The following CCNP variants were observed in gnomAD, a reference collection of about 807,000 sequenced individuals.
CCNP encodes cyclin-P.
Under a neutral mutation model 19.6 loss-of-function variants are expected in CCNP, and 18 were observed. That is an observed-to-expected ratio of 0.92 (90% CI 0.64 to 1.36). CCNP has a LOEUF of 1.36. CCNP is among the 40% of genes most tolerant of loss of function. CCNP has a pLI of 0.00. For missense variants in CCNP, 440 were observed against 424.4 expected, an observed-to-expected ratio of 1.04 and a Z score of -0.32; for synonymous variants, 228 against 194.9, an observed-to-expected ratio of 1.17 and a Z score of -1.41.
chr19:40,225,064 T>C, intron 1 of CCNP: 1 of 44,444 alleles, frequency 2.3e-5, no homozygotes, highest in Non-Finnish European at 3.5e-5. Context: ...AGACTTCACT[T>C]TTTTTTTTTT....
rs1409423885 is a variant in CCNP, at chr19:40,223,413, G to GCCAGCAGCCCGAGGC, written c.632_646dup (p.Leu215_Ala216insGlyLeuGlyLeuLeu). 2 of 1,583,136 alleles carry GCCAGCAGCCCGAGGC rather than the reference G, an allele frequency of 1.3e-6. No individual in the cohort carries two copies. Among genetic ancestry groups the GCCAGCAGCCCGAGGC allele is most frequent in the Non-Finnish European group, 1.7e-6 (2 of 1,165,934 alleles). On this transcript the variant is annotated inframe_insertion, in exon 4 of 5. Transcript: ENST00000430325. Reference sequence around the variant, plus strand: ...CTGGGGGCTGCTCCCTGCCAGCGCGGCCAGCAGCCCGAGGCACAGCAGCGG... The same window carrying GCCAGCAGCCCGAGGC: ...CTGGGGGCTGCTCCCTGCCAGCGCGGCCAGCAGCCCGAGGCCCAGCAGCCCGAGGCACAGCAGCGG...
intron 3 of CCNP, 131 bp downstream of exon 3, chr19:40,224,357 A>G (rs1477891258): frequency 2.0e-6 from 2 of 992,944 alleles, no homozygotes; most frequent in Non-Finnish European, 3.1e-6. Flanking sequence ...TTTAAGGGAC[A>G]CATTGACAGC....
Position 40,224,637 on chromosome 19 carries a change from G to A in CCNP, c.364C>T (p.Leu122=), listed in dbSNP as rs1455488554. The change falls in exon 3 of 5, where the codon CTG becomes TTG. Residue 122 remains leucine, a synonymous_variant. Coordinates refer to ENST00000430325, the MANE Select transcript of CCNP (RefSeq NM_024877.4). ...TAAAGTGTGTCACCAGCCAGACCCA[G>A]GTACTCCTGAGGAGGGGCAAGGGTG... ...VDWLVQVHEY[L]GLAGDTLYLA... 1 of 1,614,102 alleles carries A rather than the reference G, an allele frequency of 6.2e-7. No individual in the cohort carries two copies. The highest frequency in any genetic ancestry group is 8.5e-7 in the Non-Finnish European group (1 of 1,180,046).
Position 40,224,474 on chromosome 19 carries a change from C to A in CCNP, c.513+14G>T, listed in dbSNP as rs1326969032. The A allele has an allele frequency of 1.9e-6, 3 of 1,613,212 alleles. No homozygotes were observed. The highest frequency in any genetic ancestry group is 2.2e-5 in the East Asian group (1 of 44,898). ...GGACTCCATCCACCCTCCCAAACCC[C>A]ACCCCGGAAGTACCTCGGGAAGCAC... On this transcript the variant is annotated intron_variant, in intron 3 of 4. Transcript: ENST00000430325.
Position 40,222,516 on chromosome 19 carries a change from G to A in CCNP, c.*536C>T, listed in dbSNP as rs545477389. On this transcript the variant is annotated 3_prime_UTR_variant, in exon 5 of 5. Transcript: ENST00000430325. ...GAAACTGAGGCAGGGCAAGTGGTTG[G>A]AGATGACCCATCCTTGGAACTGGAG... 2.6e-3 allele frequency: 1,029 copies of A among 398,880 alleles called. 14 individuals are homozygous for A. Among genetic ancestry groups the A allele is most frequent in the Non-Finnish European group, 8.6e-4 (194 of 226,208 alleles). 24.7% of individuals were successfully genotyped at this position (398,880 alleles called of 1,614,324 possible).
In CCNP at chr19:40,222,839, C is replaced by T; in HGVS notation, c.*213G>A. Reference sequence around the variant, plus strand: ...AGCGGCCCTAGCAGCTAAAGGAACACCCCATCCACCACCAGATACAGAGAT... The same window carrying T: ...AGCGGCCCTAGCAGCTAAAGGAACATCCCATCCACCACCAGATACAGAGAT... On this transcript the variant is annotated 3_prime_UTR_variant, in exon 5 of 5. Transcript: ENST00000430325. 2.0e-6 allele frequency: 1 copy of T among 487,982 alleles called. No individual in the cohort carries two copies. The highest frequency in any genetic ancestry group is 3.8e-5 in the Admixed American group (1 of 26,074). 30.2% of individuals were successfully genotyped at this position (487,982 alleles called of 1,614,324 possible).
intron 1 of CCNP, 33 bp from the exon 2 acceptor site, chr19:40,224,844 C>T (rs1414328492): frequency 6.6e-7 from 1 of 1,520,362 alleles, no homozygotes; most frequent in Non-Finnish European, 8.9e-7. Context: ...TCACTCTCCA[C>T]ACCTGTGCCT....
chr19:40,223,632 A>G, intron 3 of CCNP, 86 bp from the exon 4 acceptor site: 1 of 1,582,514 alleles, frequency 6.3e-7, no homozygotes, highest in South Asian at 1.1e-5. Context: ...CAAGTTCCGG[A>G]CCTCAGTTTC....
intron 4 of CCNP, 32 bp downstream of exon 4, chr19:40,223,356 C>T (rs778971247): frequency 3.3e-5 from 49 of 1,487,652 alleles, no homozygotes; most frequent in Non-Finnish European, 2.4e-5. Context: ...GCGCCGGCCA[C>T]GCCCCCACCC....
rs565440976 is a variant in CCNP at position 40,223,203 on chromosome 19, G to T, written c.773C>A (p.Ala258Glu). ...GCCCGCCCCGTCGAGCAAGCGGTGCGCCAGGCTCAGAGCCGCAGCCGCACG... is the reference window on the plus strand; with the variant it reads ...GCCCGCCCCGTCGAGCAAGCGGTGCTCCAGGCTCAGAGCCGCAGCCGCACG... ...GRRAAAALSL[A>E]HRLLDGAGSR... The change falls in exon 5 of 5, where the codon GCG becomes GAG. Residue 258 changes from alanine to glutamate, a missense_variant. Ala to Glu is a moderately radical substitution (Grantham distance 107, BLOSUM62 -1). Transcript: ENST00000430325. The T allele has an allele frequency of 7.7e-6, 12 of 1,550,048 alleles. No individual in the cohort carries two copies. In the Admixed American group the frequency reaches 7.9e-5, roughly 10 times the overall value.
At position 40,222,998 on chromosome 19, in the gene CCNP, C is replaced by G; in HGVS notation, c.*54G>C. On this transcript the variant is annotated 3_prime_UTR_variant, in exon 5 of 5. Coordinates refer to ENST00000430325, the MANE Select transcript of CCNP (RefSeq NM_024877.4). ...CCAGATCTGGACTAATGGGGTCCTC[C>G]CACCCCATTCTCTCCCACACCCAGA... 9.7e-7 allele frequency: 1 copy of G among 1,033,330 alleles called. No homozygotes were observed. The highest frequency in any genetic ancestry group is 1.4e-6 in the Non-Finnish European group (1 of 701,242). 64.0% of individuals were successfully genotyped at this position (1,033,330 alleles called of 1,614,324 possible). A position where few individuals can be genotyped will look rare whatever the true frequency, so the allele number is the denominator to read the frequency against.
At position 40,223,507 on chromosome 19, in the gene CCNP, G is replaced by T; in HGVS notation, c.553C>A (p.Arg185=). 1 of 1,607,586 alleles carries T rather than the reference G, an allele frequency of 6.2e-7. No individual in the cohort carries two copies. The highest frequency in any genetic ancestry group is 1.7e-5 in the Admixed American group (1 of 59,330). Residue 185 remains arginine, a synonymous_variant, in exon 4 of 5, where the codon CGG becomes AGG. Coordinates refer to ENST00000430325, the MANE Select transcript of CCNP (RefSeq NM_024877.4). The part of the protein sequence containing the change: ...LCLLSADSFS[R]AELLRAERRI... ...CGCTCGGCGCGCAGCAGCTCCGCCC[G>T]TGAGAAGGAGTCCGCGCTCAGGAGG...
chr19:40,224,746 C>A lies in CCNP; in HGVS notation c.333G>T (p.Val111=). ...CGTGCACCTGGACCAGCCAGTCTAC[C>A]ACCAGGGCGCGCATCTCCGGGGTCA... The part of the protein sequence containing the change: ...RAVTPEMRAL[V]VDWLVQVHEY... The change falls in exon 2 of 5, where the codon GTG becomes GTT. Residue 111 remains valine, a synonymous_variant. Transcript: ENST00000430325. 6.4e-7 allele frequency: 1 copy of A among 1,570,692 alleles called. No individual in the cohort carries two copies. Among genetic ancestry groups the A allele is most frequent in the Non-Finnish European group, 8.6e-7 (1 of 1,158,446 alleles).
In CCNP at chr19:40,224,783, A is replaced by C; in HGVS notation, c.296T>G (p.Leu99Arg). Residue 99 changes from leucine to arginine, a missense_variant, in exon 2 of 5, where the codon CTG becomes CGG. By Grantham distance (102) the Leu-to-Arg change is moderately radical (BLOSUM62 -2). Coordinates refer to ENST00000430325, the MANE Select transcript of CCNP (RefSeq NM_024877.4). ...CATCTCCGGGGTCACAGCGCGGGGC[A>C]GGGCTCTCAGGGGCAGCACGCGGCA... ...MVCRVLPLRALPRAVTPEMRA... is the reference protein window; with the variant it reads ...MVCRVLPLRARPRAVTPEMRA... 2 of 1,555,066 alleles carry C rather than the reference A, an allele frequency of 1.3e-6. No individual in the cohort carries two copies. The highest frequency in any genetic ancestry group is 1.7e-6 in the Non-Finnish European group (2 of 1,148,948).
intron 1 of CCNP, among the ~76,000 whole-genome samples, chr19:40,225,164 A>G (rs1400734508): frequency 6.6e-6 from 1 of 150,460 alleles, no homozygotes; most frequent in Non-Finnish European, 1.5e-5. Flanking sequence ...GGTTCAAGCG[A>G]TTCTCCCGCC....
At position 40,222,300 on chromosome 19, in the gene CCNP, C is replaced by A; in HGVS notation, c.*752G>T. On this transcript the variant is annotated 3_prime_UTR_variant, in exon 5 of 5. Transcript: ENST00000430325. The stretch of plus-strand genomic sequence containing the variant: ...TTGTTGATTTTTTTGTGACTGAGTC[C>A]CAGTACTCAGGGAGGCTCAGACTGG... The A allele has an allele frequency of 2.5e-6, 1 of 398,896 alleles. No homozygotes were observed. The highest frequency in any genetic ancestry group is 2.1e-5 in the African/African-American group (1 of 48,720). The allele number at this position is 398,896 out of a possible 1,614,324, so 24.7% of individuals were successfully genotyped here.
In CCNP at chr19:40,222,944, C is replaced by A; in HGVS notation, c.*108G>T. 1.5e-6 allele frequency: 1 copy of A among 661,118 alleles called. No individual in the cohort carries two copies. Among genetic ancestry groups the A allele is most frequent in the South Asian group, 2.1e-5 (1 of 48,398 alleles). 41.0% of individuals were successfully genotyped at this position (661,118 alleles called of 1,614,324 possible). A position where few individuals can be genotyped will look rare whatever the true frequency, so the allele number is the denominator to read the frequency against. On this transcript the variant is annotated 3_prime_UTR_variant, in exon 5 of 5. Coordinates refer to ENST00000430325, the MANE Select transcript of CCNP (RefSeq NM_024877.4). ...GCATCTTCTGGGCCTGGGAGACTAT[C>A]TTCCACTCTGGGGCAAGGTTAAGAG...
In CCNP at chr19:40,226,459, C is replaced by T; in HGVS notation, c.183G>A (p.Arg61=). Residue 61 remains arginine (R), a synonymous_variant, in exon 1 of 5, where the codon AGG becomes AGA. Coordinates refer to ENST00000430325, the MANE Select transcript of CCNP (RefSeq NM_024877.4). ...GPTVSPRRLA[R]PPGLEEALSA... is the part of the protein sequence containing the mutation. The stretch of plus-strand genomic sequence containing the variant: ...TCAGCGCCTCCTCCAGCCCCGGCGG[C>T]CTCGCCAGGCGTCTTGGGGAGACAG... 1.9e-6 allele frequency: 3 copies of T among 1,608,144 alleles called. No homozygotes were observed. Among genetic ancestry groups the T allele is most frequent in the Non-Finnish European group, 2.5e-6 (3 of 1,178,752 alleles).
intron 1 of CCNP, among the ~76,000 whole-genome samples, chr19:40,225,092 C>G (rs2145118548): frequency 6.7e-6 from 1 of 148,514 alleles, no homozygotes; most frequent in African/African-American, 2.5e-5. Flanking sequence ...GACAAAGTCA[C>G]TCTGTTGCCC....
Sources: allele counts gnomAD v4.1 joint callset (sites outside exome capture counted in the v4.1 genomes callset), GRCh38; gene constraint gnomAD v4.1.1; transcripts MANE v1.5; gene names NCBI Gene and HGNC (gene_info 2026-07-23, HGNC 2026-07-21).